The following GTF3C2 variants were observed in gnomAD, a reference collection of about 807,000 sequenced individuals.
The protein encoded by GTF3C2 is general transcription factor IIIC subunit 2.
GTF3C2 carries 17 observed loss-of-function variants against 117.4 expected under a neutral mutation model. The ratio of observed to expected loss-of-function variants is 0.14; its 90% confidence interval spans 0.10 to 0.22. The LOEUF (loss-of-function observed/expected upper bound fraction) is 0.22, where lower values mean the gene tolerates loss of function less well. Ranked by LOEUF, GTF3C2 falls within the 10% of genes least tolerant of loss-of-function variation. The probability of loss-of-function intolerance (pLI) is 1.00; values close to 1 mark genes in which losing one functional copy is unlikely to be tolerated. For synonymous variants in GTF3C2, 437 were observed against 427.0 expected, an observed-to-expected ratio of 1.02 and a Z score of -0.29; for missense variants, 888 against 1,143.6, an observed-to-expected ratio of 0.78 and a Z score of 3.22.
At chr2:27,349,276 T>C (rs1197012054) in intron 1 of GTF3C2, among the ~76,000 whole-genome samples, 1 of 150,832 alleles carries the variant, frequency 6.6e-6, no homozygotes, top group Admixed American at 6.7e-5. Context: ...GCCTCCCGAG[T>C]AGCTGGGACT....
At chr2:27,342,780 C>T in intron 3 of GTF3C2, 46 bp downstream of exon 3, 2 of 1,427,654 alleles carry the variant, frequency 1.4e-6, no homozygotes, top group Non-Finnish European at 2.0e-6. Flanking sequence ...CACCCTGATC[C>T]CTTCACCCAA....
At chr2:27,336,148 T>C (rs1427385892) in intron 8 of GTF3C2, 50 bp downstream of exon 8, 1 of 1,473,078 alleles carries the variant, frequency 6.8e-7, no homozygotes, top group African/African-American at 1.4e-5. Context: ...CCAGACCCCA[T>C]CCTGCTGTCC....
At position 27,352,073 on chromosome 2, in the gene GTF3C2, T is replaced by C. The variant is rs1414873338; in HGVS notation, c.-25+4666A>G. Among the ~76,000 whole-genome samples the C allele has an allele frequency of 4.6e-5, 7 of 152,180 alleles. No individual in the cohort carries two copies. In the South Asian group the frequency reaches 1.4e-3, roughly 31 times the overall value. ...CACTATCACTTTTATTCTCCAGCTGTATCAAGCCACTATCCCTTGATCTCT... is the reference window on the plus strand; with the variant it reads ...CACTATCACTTTTATTCTCCAGCTGCATCAAGCCACTATCCCTTGATCTCT... On this transcript the variant is annotated intron_variant, in intron 1 of 18. Coordinates refer to ENST00000264720, the Ensembl canonical transcript of GTF3C2.
chr2:27,327,946 C>G, intron 17 of GTF3C2, 91 bp downstream of exon 17: 1 of 1,099,268 alleles, frequency 9.1e-7, no homozygotes, highest in Non-Finnish European at 1.3e-6. Flanking sequence ...AGTTTTACAT[C>G]TTTGTGCTGA....
intron 1 of GTF3C2, among the ~76,000 whole-genome samples, chr2:27,353,009 T>G: frequency 6.6e-6 from 1 of 152,228 alleles, no homozygotes; most frequent in East Asian, 1.9e-4. Flanking sequence ...TCTTTTGTCT[T>G]TCTAAAGCAT....
exon 18 of GTF3C2, chr2:27,327,185 T>C (rs746866571): frequency 1.9e-6 from 3 of 1,555,832 alleles, no homozygotes; most frequent in African/African-American, 2.7e-5. Context: ...ACCTTATGAA[T>C]AGCCTCCAGC....
chr2:27,338,526 CTTTTTGTT>C lies in GTF3C2; in HGVS notation c.856-514_856-507del, dbSNP rs1460471164. ...CATGTCCCATGGCTTTGACTACTGT[CTTTTTGTT>C]TTTTTGTTGTTTTTGAGATAGGGTC... On this transcript the variant is annotated intron_variant, in intron 4 of 18. Coordinates refer to ENST00000264720, the Ensembl canonical transcript of GTF3C2. Among the ~76,000 whole-genome samples the C allele has an allele frequency of 3.9e-5, 6 of 152,222 alleles. No homozygotes were observed. In the South Asian group the frequency reaches 1.2e-3, roughly 32 times the overall value.
At chr2:27,348,228 T>A (rs534737079) in intron 1 of GTF3C2, among the ~76,000 whole-genome samples, 4 of 151,038 alleles carry the variant, frequency 2.6e-5, no homozygotes, top group Non-Finnish European at 1.5e-5. Flanking sequence ...GATAGTGCCA[T>A]TGCACTCCAG....
chr2:27,338,209 C>T, intron 4 of GTF3C2, 189 bp from the exon 5 acceptor site: 1 of 582,358 alleles, frequency 1.7e-6, no homozygotes, highest in Non-Finnish European at 3.1e-6. Flanking sequence ...CTCTACTCCT[C>T]CATCGAAAAT....
At chr2:27,343,674 C>T (rs944817385) in intron 1 of GTF3C2, 96 bp from the exon 2 acceptor site, 30 of 971,866 alleles carry the variant, frequency 3.1e-5, no homozygotes, top group Middle Eastern at 2.2e-4. Context: ...TTCTCACACT[C>T]ATAACCAAGT....
At chr2:27,343,379 C>T (rs766315503) in exon 2 of GTF3C2, 2 of 1,614,054 alleles carry the variant, frequency 1.2e-6, no homozygotes, top group Admixed American at 3.3e-5. Context: ...ATCCTCAAAT[C>T]CAGGCAAAGG....
At chr2:27,353,743 AT>A (rs1426512434) in intron 1 of GTF3C2, among the ~76,000 whole-genome samples, 1 of 152,076 alleles carries the variant, frequency 6.6e-6, no homozygotes, top group Non-Finnish European at 1.5e-5. Flanking sequence ...TCATATTAAA[AT>A]TTATTTCCCC....
chr2:27,335,989 A>G, exon 9 of GTF3C2: 1 of 1,613,906 alleles, frequency 6.2e-7, no homozygotes, highest in Non-Finnish European at 8.5e-7. Context: ...AGCCGTTGTC[A>G]CAAGCAATCC....
intron 15 of GTF3C2, 58 bp from the exon 16 acceptor site, chr2:27,328,654 T>C (rs755120882): frequency 2.5e-5 from 35 of 1,418,584 alleles, no homozygotes; most frequent in Non-Finnish European, 3.4e-5. Flanking sequence ...TATGAACTGG[T>C]AACAGCTGCA....
intron 1 of GTF3C2, 66 bp from the exon 2 acceptor site, chr2:27,343,644 TC>T (rs1680822945): frequency 2.2e-6 from 3 of 1,337,012 alleles, no homozygotes; most frequent in African/African-American, 1.5e-5. Context: ...GATTTTTATT[TC>T]CCCATCTTTT....
chr2:27,328,582 G>A (rs1680168755), exon 16 of GTF3C2: 15 of 1,611,356 alleles, frequency 9.3e-6, no homozygotes, highest in Non-Finnish European at 1.0e-5. Context: ...CAAGCCAGTC[G>A]GATCCTGAAA....
intron 3 of GTF3C2, chr2:27,342,594 G>GA (rs1304869602): frequency 3.5e-6 from 2 of 565,652 alleles, no homozygotes; most frequent in Non-Finnish European, 6.3e-6. Context: ...TAAAGTTTGT[G>GA]AAAAATGGCA....
intron 1 of GTF3C2, chr2:27,356,264 G>C: frequency 2.4e-6 from 1 of 422,994 alleles, no homozygotes; most frequent in South Asian, 1.7e-5. Context: ...CGGGGTTAAA[G>C]AGCCTCCTCG....
At chr2:27,335,953 G>A (rs2148277388) in exon 9 of GTF3C2, 2 of 1,613,304 alleles carry the variant, frequency 1.2e-6, no homozygotes, top group South Asian at 2.2e-5. Context: ...ATGCTCCACT[G>A]GGGCAGAACT....
Sources: gnomAD v4.1 joint callset for allele counts (sites outside exome capture counted in the v4.1 genomes callset) on GRCh38, gnomAD v4.1.1 for gene constraint, MANE v1.5 for transcripts, NCBI Gene and HGNC (gene_info 2026-07-23, HGNC 2026-07-21) for gene names.